CNIH1: variants seen among roughly 807,000 people sequenced by gnomAD.
The protein encoded by CNIH1 is protein cornichon homolog 1.
In CNIH1, 12 loss-of-function variants were observed where a neutral mutation model predicts 20.2. The ratio of observed to expected loss-of-function variants is 0.59; its 90% confidence interval spans 0.38 to 0.96. The LOEUF (loss-of-function observed/expected upper bound fraction) is 0.96, where lower values mean the gene tolerates loss of function less well. CNIH1 is among the 40% of genes least tolerant of loss of function. The pLI, the probability that CNIH1 is intolerant of heterozygous loss-of-function variation, is 0.00. For synonymous variants in CNIH1, 69 were observed against 63.3 expected (o/e 1.09, Z -0.43); for missense variants, 152 against 178.8 (o/e 0.85, Z 0.85).
chr14:54,427,897 T>A (rs1297051704), intron 4 of CNIH1, 56 bp from the exon 5 acceptor site: 1 of 1,533,748 alleles, frequency 6.5e-7, no homozygotes, highest in African/African-American at 1.4e-5. Context: ...AAAAAAAAAC[T>A]CAGAGCATGA....
Position 54,424,693 on chromosome 14 carries a change from G to A in CNIH1, c.*3121C>T, listed in dbSNP as rs111934669. On this transcript the variant is annotated 3_prime_UTR_variant, in exon 5 of 5. Coordinates refer to ENST00000216416, the MANE Select transcript of CNIH1 (RefSeq NM_005776.3). ...TCAAAATATATTGATTTGGGGAGCA[G>A]AGAAGAGCTCTATGAGAACTGTTTG... 103 of 152,358 alleles carry A rather than the reference G, an allele frequency of 6.8e-4. 1 individual carries two copies. Among genetic ancestry groups the A allele is most frequent in the Admixed American group, 1.8e-3 (27 of 15,304 alleles). The allele number at this position is 152,358 out of a possible 1,614,324, so 9.4% of individuals were successfully genotyped here. A position where few individuals can be genotyped will look rare whatever the true frequency, so the allele number is the denominator to read the frequency against.
At chr14:54,431,851 T>A (rs1341199134) in intron 3 of CNIH1, among the ~76,000 whole-genome samples, 1 of 152,164 alleles carries the variant, frequency 6.6e-6, no homozygotes, top group African/African-American at 2.4e-5. Context: ...TATGTAAAAA[T>A]TCATTGAGCT....
At chr14:54,436,156 G>A (rs999643558) in intron 2 of CNIH1, 2 of 704,704 alleles carry the variant, frequency 2.8e-6, no homozygotes, top group Admixed American at 4.0e-5. Context: ...AAGCAGATTG[G>A]AAGAATGTTA....
At chr14:54,436,567 T>C (rs1302331945) in intron 1 of CNIH1, 130 bp from the exon 2 acceptor site, 4 of 621,274 alleles carry the variant, frequency 6.4e-6, no homozygotes, top group African/African-American at 1.9e-5. Context: ...CAAATACCAA[T>C]TTACAGTAAA....
Position 54,441,301 on chromosome 14 carries a change from G to C in CNIH1, c.27C>G (p.Cys9Trp). MAFTFAAFCYMLALLLTAA... is the reference protein window; with the variant it reads MAFTFAAFWYMLALLLTAA... ...CAGTGAGCAGCAGCGCCAGCATGTAGCAGAAGGCCGCGAACGTGAACGCCA... is the reference window on the plus strand; with the variant it reads ...CAGTGAGCAGCAGCGCCAGCATGTACCAGAAGGCCGCGAACGTGAACGCCA... Residue 9 changes from cysteine to tryptophan, a missense_variant, in exon 1 of 5, where the codon TGC becomes TGG. Coordinates refer to ENST00000216416, the MANE Select transcript of CNIH1 (RefSeq NM_005776.3). 6.6e-7 allele frequency: 1 copy of C among 1,518,526 alleles called. No individual in the cohort carries two copies. Among genetic ancestry groups the C allele is most frequent in the Non-Finnish European group, 8.9e-7 (1 of 1,129,730 alleles). The allele number at this position is 1,518,526 out of a possible 1,614,324, so 94.1% of individuals were successfully genotyped here.
At chr14:54,433,560 G>A (rs1207586073) in intron 2 of CNIH1, among the ~76,000 whole-genome samples, 1 of 152,066 alleles carries the variant, frequency 6.6e-6, no homozygotes, top group Non-Finnish European at 1.5e-5. Context: ...AACAAGAAAA[G>A]GGCCATAGGA....
At chr14:54,430,926 G>C (rs2030929388) in intron 3 of CNIH1, among the ~76,000 whole-genome samples, 1 of 151,992 alleles carries the variant, frequency 6.6e-6, no homozygotes, top group South Asian at 2.1e-4. Context: ...CAGATTCCTG[G>C]GCTCAAGCAA....
intron 1 of CNIH1, among the ~76,000 whole-genome samples, chr14:54,438,510 A>G (rs572089073): frequency 6.6e-6 from 1 of 152,350 alleles, no homozygotes; most frequent in East Asian, 1.9e-4. Context: ...TTTAATACAC[A>G]TCTTTAAGGA....
At chr14:54,430,185 G>A in intron 4 of CNIH1, 76 bp downstream of exon 4, 1 of 1,429,980 alleles carries the variant, frequency 7.0e-7, no homozygotes, top group Non-Finnish European at 9.7e-7. Flanking sequence ...GGATTTTGAG[G>A]TGTGAAAACC....
chr14:54,429,534 G>A (rs940626990), intron 4 of CNIH1, among the ~76,000 whole-genome samples: 4 of 152,200 alleles, frequency 2.6e-5, no homozygotes, highest in Admixed American at 1.3e-4. Context: ...CAAGGTGGGC[G>A]GATCACCTGA....
chr14:54,434,175 T>G (rs1054939560), intron 2 of CNIH1, among the ~76,000 whole-genome samples: 1 of 152,228 alleles, frequency 6.6e-6, no homozygotes, highest in East Asian at 1.9e-4. Flanking sequence ...TTGGCAGAAC[T>G]GTCAAAACAA....
Position 54,427,751 on chromosome 14 carries a change from G to C in CNIH1, c.*63C>G, listed in dbSNP as rs2030854383. ...CTCTTGGACAGGATCTTGCTGGATA[G>C]AATCCCTTCATTTGGTGGCTTTTTG... On this transcript the variant is annotated 3_prime_UTR_variant, in exon 5 of 5. Coordinates refer to ENST00000216416, the MANE Select transcript of CNIH1 (RefSeq NM_005776.3). 1.3e-6 allele frequency: 2 copies of C among 1,550,522 alleles called. No individual in the cohort carries two copies.
intron 1 of CNIH1, among the ~76,000 whole-genome samples, chr14:54,440,400 CTA>C (rs2031146020): frequency 6.6e-6 from 1 of 152,222 alleles, no homozygotes; most frequent in African/African-American, 2.4e-5. Context: ...CTCTGTAGAA[CTA>C]TGTCACAGGG....
intron 2 of CNIH1, 29 bp downstream of exon 2, chr14:54,436,340 C>A (rs2031053884): frequency 8.1e-7 from 1 of 1,241,524 alleles, no homozygotes; most frequent in African/African-American, 1.5e-5. Flanking sequence ...TTTTTAAAAT[C>A]TAAAGATAAA....
At chr14:54,429,429 G>A (rs1250281434) in intron 4 of CNIH1, among the ~76,000 whole-genome samples, 5 of 152,184 alleles carry the variant, frequency 3.3e-5, no homozygotes, top group African/African-American at 1.2e-4. Context: ...GAGACACCCT[G>A]ACCTAGAGGA....
At chr14:54,435,604 T>G (rs149740363) in intron 2 of CNIH1, among the ~76,000 whole-genome samples, 3 of 152,184 alleles carry the variant, frequency 2.0e-5, no homozygotes, top group African/African-American at 7.2e-5. Context: ...TGCTGCGAGA[T>G]CCCAGAGCCC....
At chr14:54,437,881 T>A (rs2031086473) in intron 1 of CNIH1, among the ~76,000 whole-genome samples, 1 of 152,108 alleles carries the variant, frequency 6.6e-6, no homozygotes, top group African/African-American at 2.4e-5. Flanking sequence ...ATGATAATCA[T>A]AAGTACTTGT....
At chr14:54,436,041 T>C in intron 2 of CNIH1, 1 of 701,746 alleles carries the variant, frequency 1.4e-6, no homozygotes, top group South Asian at 1.5e-5. Flanking sequence ...ATGAAATGAA[T>C]ATAGCATTAA....
chr14:54,430,101 T>C, intron 4 of CNIH1, 160 bp downstream of exon 4: 3 of 688,892 alleles, frequency 4.4e-6, no homozygotes, highest in East Asian at 5.6e-5. Flanking sequence ...AGCACCAGTG[T>C]GGGCCACACT....
Sources: allele counts gnomAD v4.1 joint callset (sites outside exome capture counted in the v4.1 genomes callset), GRCh38; gene constraint gnomAD v4.1.1; transcripts MANE v1.5; gene names NCBI Gene and HGNC (gene_info 2026-07-23, HGNC 2026-07-21).